GPD1L: variants seen among roughly 807,000 people sequenced by gnomAD.
GPD1L encodes glycerol-3-phosphate dehydrogenase 1-like protein.
Under a neutral mutation model 32.9 loss-of-function variants are expected in GPD1L, and 17 were observed. The ratio of observed to expected loss-of-function variants is 0.52; its 90% CI spans 0.35 to 0.78. GPD1L has a LOEUF of 0.78. Ranked by LOEUF, GPD1L falls within the 30% of genes least tolerant of loss-of-function variation. The pLI, the probability that GPD1L is intolerant of heterozygous loss-of-function variation, is 0.01. For missense variants in GPD1L, 361 were observed against 447.8 expected, an observed-to-expected ratio of 0.81 and a Z score of 1.75; for synonymous variants, 187 against 165.9, an observed-to-expected ratio of 1.13 and a Z score of -0.98.
intron 5 of GPD1L, among the ~76,000 whole-genome samples, chr3:32,152,792 A>G (rs542236262): frequency 5.9e-5 from 9 of 151,942 alleles, no homozygotes; most frequent in Admixed American, 3.3e-4. Context: ...CAGAGCATCA[A>G]TGTCACATCT....
At chr3:32,158,328 C>A in intron 5 of GPD1L, 1 of 162,688 alleles carries the variant, frequency 6.1e-6, no homozygotes, top group Admixed American at 5.8e-5. Flanking sequence ...GCAGGTAAAA[C>A]ACATCTATGC....
At chr3:32,143,310 C>T (rs1033853394) in intron 4 of GPD1L, among the ~76,000 whole-genome samples, 1 of 152,064 alleles carries the variant, frequency 6.6e-6, no homozygotes, top group Non-Finnish European at 1.5e-5. Flanking sequence ...GAGTCTTGTT[C>T]GAATTCCTGG....
Position 32,146,641 on chromosome 3 carries a change from C to T in GPD1L, c.525C>T (p.Asn175=), listed in dbSNP as rs142198171. ...CAACAGGCAGCAAAGTAATGGAGAACGGCCTTCTCTTCAAAGAACTTCTGC... is the reference window on the plus strand; with the variant it reads ...CAACAGGCAGCAAAGTAATGGAGAATGGCCTTCTCTTCAAAGAACTTCTGC... ...ETTIGSKVME[N]GLLFKELLQT... is the part of the protein sequence containing the mutation. Residue 175 remains asparagine (N), a synonymous_variant, in exon 5 of 8, where the codon AAC becomes AAT. Coordinates refer to ENST00000282541, the MANE Select transcript of GPD1L (RefSeq NM_015141.4). The T allele has an allele frequency of 2.1e-5, 34 of 1,609,360 alleles. No homozygotes were observed. Among genetic ancestry groups the T allele is most frequent in the South Asian group, 1.2e-4 (11 of 90,998 alleles).
In GPD1L at chr3:32,128,819, C is replaced by T. The variant is rs1700548850; in HGVS notation, c.225+566C>T. ...ACTTGCCTTAGGCTGCTCCTGCTCCCCAAGTAGCTCCTGCTGTACCCTAAG... is the reference window on the plus strand; with the variant it reads ...ACTTGCCTTAGGCTGCTCCTGCTCCTCAAGTAGCTCCTGCTGTACCCTAAG... On this transcript the variant is annotated intron_variant, in intron 2 of 7. Transcript: ENST00000282541. Among the ~76,000 whole-genome samples the T allele has an allele frequency of 2.0e-5, 3 of 152,202 alleles. No individual in the cohort carries two copies. In the South Asian group the frequency reaches 6.2e-4, roughly 31 times the overall value.
At chr3:32,119,610 A>G (rs764721383) in intron 1 of GPD1L, among the ~76,000 whole-genome samples, 2 of 152,200 alleles carry the variant, frequency 1.3e-5, no homozygotes, top group Non-Finnish European at 2.9e-5. Context: ...TAACATTTGC[A>G]TCTAATACTC....
At chr3:32,116,382 A>G (rs1700333789) in intron 1 of GPD1L, among the ~76,000 whole-genome samples, 2 of 152,228 alleles carry the variant, frequency 1.3e-5, no homozygotes, top group South Asian at 4.1e-4. Context: ...TTAAACAACA[A>G]ATCTTATGGT....
At chr3:32,161,054 G>C (rs1290395100) in intron 7 of GPD1L, among the ~76,000 whole-genome samples, 3 of 152,174 alleles carry the variant, frequency 2.0e-5, no homozygotes, top group African/African-American at 7.2e-5. Flanking sequence ...AAGCTGGGAG[G>C]AGGGTCGTGG....
At chr3:32,133,160 G>A (rs1024778797) in intron 2 of GPD1L, among the ~76,000 whole-genome samples, 6 of 152,184 alleles carry the variant, frequency 3.9e-5, no homozygotes, top group South Asian at 2.1e-4. Context: ...GCCCGGCCAC[G>A]ATGCTCCGTG....
chr3:32,151,748 G>C (rs1575119873), intron 5 of GPD1L: 1 of 156,790 alleles, frequency 6.4e-6, no homozygotes, highest in African/African-American at 2.4e-5. Flanking sequence ...CAACGTGCTA[G>C]GATTATAGAC....
chr3:32,158,567 A>G (rs773802458), intron 5 of GPD1L: 47 of 516,218 alleles, frequency 9.1e-5, no homozygotes, highest in Non-Finnish European at 1.6e-4. Flanking sequence ...AACAAAAAGT[A>G]AAGTAGTTTG....
At chr3:32,115,942 C>G (rs1005962668) in intron 1 of GPD1L, among the ~76,000 whole-genome samples, 1 of 151,908 alleles carries the variant, frequency 6.6e-6, no homozygotes, top group Non-Finnish European at 1.5e-5. Flanking sequence ...CATGTGCCAC[C>G]ACGCCAGGCT....
intron 2 of GPD1L, among the ~76,000 whole-genome samples, chr3:32,136,559 A>G (rs1288181196): frequency 6.6e-6 from 1 of 152,190 alleles, no homozygotes; most frequent in Non-Finnish European, 1.5e-5. Flanking sequence ...TCCTGAAGGG[A>G]TAAGGGAATT....
chr3:32,126,348 G>A (rs1033244785), intron 1 of GPD1L, among the ~76,000 whole-genome samples: 1 of 152,202 alleles, frequency 6.6e-6, no homozygotes, highest in East Asian at 1.9e-4. Flanking sequence ...AGATCATGGG[G>A]AGGGATTCCT....
chr3:32,133,836 C>G (rs1396103237), intron 2 of GPD1L, among the ~76,000 whole-genome samples: 2 of 152,174 alleles, frequency 1.3e-5, no homozygotes, highest in Non-Finnish European at 2.9e-5. Flanking sequence ...ATGGTGGATC[C>G]AGGAAGTACG....
intron 5 of GPD1L, among the ~76,000 whole-genome samples, chr3:32,147,304 T>C (rs534192149): frequency 2.4e-4 from 36 of 152,358 alleles, no homozygotes; most frequent in African/African-American, 7.2e-4. Flanking sequence ...TGCACTCTTT[T>C]GTGTCCGGCT....
intron 5 of GPD1L, chr3:32,151,022 C>T (rs1575119653): frequency 4.0e-6 from 1 of 252,650 alleles, no homozygotes; most frequent in Non-Finnish European, 8.2e-6. Context: ...CCTGCCTCAG[C>T]TTCCCAAAGT....
intron 5 of GPD1L, chr3:32,151,559 A>G (rs1700920170): frequency 4.2e-6 from 1 of 236,604 alleles, no homozygotes; most frequent in African/African-American, 2.3e-5. Flanking sequence ...AGCTCAGTGC[A>G]ACCTCTGCCT....
intron 7 of GPD1L, among the ~76,000 whole-genome samples, chr3:32,163,161 C>CTTT (rs34385950): frequency 0.015 from 1,192 of 78,082 alleles, 72 homozygotes; most frequent in African/African-American, 0.036. Context: ...CTGGTTTGTC[C>CTTT]TTTTTTTTTT....
At chr3:32,155,936 T>G (rs1422493987) in intron 5 of GPD1L, among the ~76,000 whole-genome samples, 2 of 152,144 alleles carry the variant, frequency 1.3e-5, no homozygotes, top group African/African-American at 4.8e-5. Flanking sequence ...GTAGCCTCCT[T>G]AGTCTGGCTG....
Sources: allele counts gnomAD v4.1 joint callset (sites outside exome capture counted in the v4.1 genomes callset), GRCh38; gene constraint gnomAD v4.1.1; transcripts MANE v1.5; gene names NCBI Gene and HGNC (gene_info 2026-07-23, HGNC 2026-07-21).